Variants in TTC34 observed in about 807,000 individuals in gnomAD.
TTC34 encodes tetratricopeptide repeat protein 34.
TTC34 carries 44 observed loss-of-function variants against 40.7 expected under a neutral mutation model. That is an observed-to-expected ratio of 1.08 (90% CI 0.85 to 1.39). The LOEUF (loss-of-function observed/expected upper bound fraction) is 1.39. TTC34 is among the 40% of genes most tolerant of loss of function. The pLI is 0.00. For missense variants in TTC34, 884 were observed against 838.0 expected (o/e 1.05, Z -0.68); for synonymous variants, 422 against 398.6 (o/e 1.06, Z -0.70).
intron 6 of TTC34, among the ~76,000 whole-genome samples, chr1:2,769,605 C>T (rs1641973198): frequency 7.8e-6 from 1 of 128,682 alleles, no homozygotes; most frequent in Non-Finnish European, 1.6e-5. Flanking sequence ...GGGGGAGCAT[C>T]TGACAGCCTG....
chr1:2,754,637 CAGCGTGGAGG>C (rs1641443770), intron 6 of TTC34, among the ~76,000 whole-genome samples: 2 of 69,810 alleles, frequency 2.9e-5, no homozygotes, highest in African/African-American at 8.6e-5. Flanking sequence ...GAGCATCTGA[CAGCGTGGAGG>C]AGCACCCACA....
chr1:2,786,932 G>A (rs1201454167), intron 4 of TTC34, among the ~76,000 whole-genome samples: 1 of 152,194 alleles, frequency 6.6e-6, no homozygotes, highest in Non-Finnish European at 1.5e-5. Context: ...AGGAAGACGC[G>A]AGAAGGCCCT....
In TTC34 at chr1:2,752,217, T is replaced by G. The variant is rs1476900312; in HGVS notation, c.2226+31392A>C. 1.0e-4 allele frequency among the ~76,000 whole-genome samples: 11 copies of G among 108,324 alleles called. No individual in the cohort carries two copies. The South Asian group carries it at 3.7e-3, about 36-fold the overall frequency. The allele number at this position is 108,324 out of a possible 152,430, so 71.1% of individuals were successfully genotyped here. On this transcript the variant is annotated intron_variant, in intron 6 of 8. Transcript: ENST00000401095. Reference sequence around the variant, plus strand: ...CTGGAACAGAACCCACACCCCCAGGTGAGCATCTGACAGACTGGAACAGCT... The same window carrying G: ...CTGGAACAGAACCCACACCCCCAGGGGAGCATCTGACAGACTGGAACAGCT...
chr1:2,641,779 C>T, exon 9 of TTC34: 1 of 1,535,220 alleles, frequency 6.5e-7, no homozygotes, highest in Non-Finnish European at 8.7e-7. Context: ...GGCAGGTGGC[C>T]CGCAGACGCA....
At position 2,755,498 on chromosome 1, in the gene TTC34, C is replaced by A. The variant is rs1371139294; in HGVS notation, c.2226+28111G>T. 1.7e-3 allele frequency among the ~76,000 whole-genome samples: 140 copies of A among 83,530 alleles called. 15 individuals carry two copies. The highest frequency in any genetic ancestry group is 0.01 in the African/African-American group (128 of 12,512). 54.8% of individuals were successfully genotyped at this position (83,530 alleles called of 152,430 possible). A position where few individuals can be genotyped will look rare whatever the true frequency, so the allele number is the denominator to read the frequency against. ...CATCCGACATCGTGGAGTAGCACCC[C>A]ACACCCACAGGTGAGCATCTGACAG... is the stretch of plus-strand genomic sequence containing the variant. On this transcript the variant is annotated intron_variant, in intron 6 of 8. Transcript: ENST00000401095.
exon 8 of TTC34, chr1:2,644,274 C>G (rs894606686): frequency 6.5e-7 from 1 of 1,534,134 alleles, no homozygotes; most frequent in Non-Finnish European, 8.7e-7. Context: ...CTGGGCAAGG[C>G]TCTGCCGCTC....
chr1:2,797,287 A>G (rs113467020), intron 2 of TTC34, among the ~76,000 whole-genome samples: 1 of 150,664 alleles, frequency 6.6e-6, no homozygotes, highest in African/African-American at 2.5e-5. Flanking sequence ...TCACCTCCAG[A>G]TGTCTGCTGG....
intron 6 of TTC34, among the ~76,000 whole-genome samples, chr1:2,691,221 C>T (rs1343978887): frequency 8.5e-5 from 6 of 70,452 alleles, no homozygotes; most frequent in South Asian, 4.3e-4. Flanking sequence ...AGCACCCACA[C>T]GCCCAGGTGA....
intron 6 of TTC34, among the ~76,000 whole-genome samples, chr1:2,751,417 G>A (rs1236772601): frequency 1.4e-5 from 2 of 138,704 alleles, no homozygotes; most frequent in African/African-American, 2.8e-5. Context: ...ACACAGGTGG[G>A]CATCTGACAG....
At chr1:2,677,754 C>G (rs367657514) in intron 6 of TTC34, among the ~76,000 whole-genome samples, 9 of 150,216 alleles carry the variant, frequency 6.0e-5, no homozygotes, top group Admixed American at 1.3e-4. Flanking sequence ...ATCTGACAGC[C>G]TGGAACAGCA....
chr1:2,800,608 C>T (rs896214596), exon 2 of TTC34: 15 of 398,356 alleles, frequency 3.8e-5, no homozygotes, highest in East Asian at 1.4e-4. Flanking sequence ...CAGTGGATGG[C>T]GGGGATCTGG....
intron 6 of TTC34, among the ~76,000 whole-genome samples, chr1:2,756,664 C>A (rs1641516356): frequency 0.043 from 125 of 2,892 alleles, no homozygotes; most frequent in African/African-American, 0.13. Context: ...ACAGCACCCA[C>A]ACCCCCAGGT....
chr1:2,750,174 G>A (rs1641268475), intron 6 of TTC34, among the ~76,000 whole-genome samples: 1 of 152,052 alleles, frequency 6.6e-6, no homozygotes, highest in African/African-American at 2.4e-5. Flanking sequence ...CCCCAGGCGA[G>A]CATCTGACAG....
chr1:2,649,975 A>G (rs1398234185), intron 6 of TTC34, among the ~76,000 whole-genome samples: 182 of 59,864 alleles, frequency 3.0e-3, no homozygotes, highest in Middle Eastern at 0.011. Flanking sequence ...TGCATCCCCA[A>G]GTGAGCTTCT....
chr1:2,781,602 G>C (rs1252891524), intron 6 of TTC34, among the ~76,000 whole-genome samples: 2 of 152,146 alleles, frequency 1.3e-5, no homozygotes, highest in Non-Finnish European at 2.9e-5. Flanking sequence ...CCTTGTTCCT[G>C]ATCTTAGAGG....
At chr1:2,649,674 C>T (rs375727145) in intron 6 of TTC34, among the ~76,000 whole-genome samples, 10 of 152,290 alleles carry the variant, frequency 6.6e-5, no homozygotes, top group East Asian at 3.9e-4. Context: ...TGAGTAGCTG[C>T]GACTACAGGC....
intron 6 of TTC34, among the ~76,000 whole-genome samples, chr1:2,660,835 C>A (rs1219938841): frequency 3.7e-5 from 2 of 53,646 alleles, no homozygotes; most frequent in African/African-American, 8.1e-5. Context: ...CCCACATCCC[C>A]AGGTGAGCCT....
At position 2,641,532 on chromosome 1, in the gene TTC34, G is replaced by T. The variant is rs932385253; in HGVS notation, c.3076C>A (p.Arg1026Ser). Residue 1026 changes from arginine (R) to serine (S), a missense_variant, in exon 9 of 9, where the codon CGC becomes AGC. By Grantham distance (110) the Arg-to-Ser change is moderately radical. Coordinates refer to ENST00000401095, the Ensembl canonical transcript of TTC34. ...CACTGCCCGCGGAGAAGGAACATGC[G>T]TGCAGTGGGGGCCCGGCCTGGCTGC... 2.0e-6 allele frequency: 3 copies of T among 1,534,846 alleles called. No individual in the cohort carries two copies. The Admixed American group carries it at 5.9e-5, about 30-fold the overall frequency.
chr1:2,637,637 G>A (rs373987597), exon 9 of TTC34: 5 of 152,272 alleles, frequency 3.3e-5, no homozygotes, highest in African/African-American at 9.6e-5. Flanking sequence ...AGGCTGTCAC[G>A]GCCACGAGGA....
Sources: gnomAD v4.1 joint callset for allele counts (sites outside exome capture counted in the v4.1 genomes callset) on GRCh38, gnomAD v4.1.1 for gene constraint, MANE v1.5 for transcripts, NCBI Gene and HGNC (gene_info 2026-07-23, HGNC 2026-07-21) for gene names.